The following ARMC9 variants were observed in gnomAD, a reference collection of about 807,000 sequenced individuals.
The protein encoded by ARMC9 is lisH domain-containing protein ARMC9.
Under a neutral mutation model 107.0 loss-of-function variants are expected in ARMC9, and 94 were observed. The ratio of observed to expected loss-of-function variants is 0.88; its 90% confidence interval spans 0.74 to 1.04. The LOEUF (loss-of-function observed/expected upper bound fraction) is 1.04, where lower values mean the gene tolerates loss of function less well. Among genes scored for constraint, ARMC9 ranks in the 50% least tolerant of loss-of-function variants. ARMC9 has a pLI of 0.00. For missense variants in ARMC9, 942 were observed against 1,030.1 expected (o/e 0.91, Z 1.17); for synonymous variants, 380 against 396.9 (o/e 0.96, Z 0.51).
chr2:231,367,708 C>T (rs994029667), intron 23 of ARMC9, among the ~76,000 whole-genome samples: 3 of 152,006 alleles, frequency 2.0e-5, no homozygotes, highest in African/African-American at 4.8e-5. Context: ...ACTGGCCGGG[C>T]GCGGTGGCTC....
At chr2:231,256,539 T>A in intron 9 of ARMC9, 47 bp from the exon 10 acceptor site, 1 of 1,598,640 alleles carries the variant, frequency 6.3e-7, no homozygotes, top group Non-Finnish European at 8.6e-7. Flanking sequence ...CGTGCATTGC[T>A]ATCAGTGTTT....
intron 11 of ARMC9, among the ~76,000 whole-genome samples, chr2:231,259,419 C>A (rs1056063965): frequency 9.2e-5 from 14 of 152,246 alleles, no homozygotes; most frequent in African/African-American, 3.4e-4. Context: ...TCAGGGTTAC[C>A]CACAGTCCCA....
chr2:231,214,180 C>T (rs1294123774), intron 3 of ARMC9, among the ~76,000 whole-genome samples: 1 of 152,228 alleles, frequency 6.6e-6, no homozygotes, highest in African/African-American at 2.4e-5. Flanking sequence ...GGCACTGAGC[C>T]GGTGCTCCTT....
chr2:231,324,571 A>G (rs1038637967), intron 19 of ARMC9, among the ~76,000 whole-genome samples: 5 of 150,934 alleles, frequency 3.3e-5, no homozygotes, highest in Non-Finnish European at 7.4e-5. Flanking sequence ...GACCAACATG[A>G]AGAAACCCCG....
At chr2:231,231,210 G>T (rs1574694137) in intron 7 of ARMC9, among the ~76,000 whole-genome samples, 1 of 152,118 alleles carries the variant, frequency 6.6e-6, no homozygotes. Flanking sequence ...CTAGCTAATG[G>T]GTTTTGGTAC....
chr2:231,232,477 G>A (rs2035323263), intron 7 of ARMC9, among the ~76,000 whole-genome samples: 3 of 148,344 alleles, frequency 2.0e-5, no homozygotes, highest in Admixed American at 2.0e-4. Context: ...TTGAGACGGA[G>A]TTTCGCTCTT....
intron 16 of ARMC9, among the ~76,000 whole-genome samples, chr2:231,280,950 C>T (rs1002465679): frequency 6.6e-6 from 1 of 152,122 alleles, no homozygotes; most frequent in African/African-American, 2.4e-5. Flanking sequence ...GCTTGGCAAG[C>T]ATTGAAAGTG....
intron 20 of ARMC9, among the ~76,000 whole-genome samples, chr2:231,336,712 G>A (rs1220610357): frequency 6.6e-6 from 1 of 152,236 alleles, no homozygotes; most frequent in Non-Finnish European, 1.5e-5. Context: ...GCTGGTTAAA[G>A]TGCAGGTTCC....
chr2:231,287,875 C>T (rs2040714386), intron 17 of ARMC9, among the ~76,000 whole-genome samples: 1 of 152,154 alleles, frequency 6.6e-6, no homozygotes, highest in African/African-American at 2.4e-5. Context: ...CTTTATTGAT[C>T]ATAGCAGAAG....
chr2:231,333,750 C>A (rs1227966628), intron 20 of ARMC9, among the ~76,000 whole-genome samples: 1 of 152,172 alleles, frequency 6.6e-6, no homozygotes, highest in Non-Finnish European at 1.5e-5. Context: ...ACGCATGTAC[C>A]CCTGACCACA....
chr2:231,327,200 C>G (rs546728861), intron 19 of ARMC9, among the ~76,000 whole-genome samples: 1 of 152,194 alleles, frequency 6.6e-6, no homozygotes, highest in African/African-American at 2.4e-5. Context: ...GTGTGCCGTT[C>G]GGTCGGCGTT....
At chr2:231,370,379 G>A (rs2045970078) in intron 24 of ARMC9, among the ~76,000 whole-genome samples, 1 of 152,172 alleles carries the variant, frequency 6.6e-6, no homozygotes, top group South Asian at 2.1e-4. Context: ...TCAAGCTGAG[G>A]AGTGAGACCT....
intron 13 of ARMC9, among the ~76,000 whole-genome samples, chr2:231,271,910 G>T (rs1369412925): frequency 5.3e-5 from 8 of 151,970 alleles, no homozygotes; most frequent in Admixed American, 3.9e-4. Flanking sequence ...GCATTCCTTG[G>T]CTGCCTCTGT....
At chr2:231,228,056 T>A (rs1488254057) in intron 7 of ARMC9, among the ~76,000 whole-genome samples, 1 of 152,160 alleles carries the variant, frequency 6.6e-6, no homozygotes. Context: ...CCAGCCTGCA[T>A]CCTCAGCTCT....
At chr2:231,201,812 C>T (rs555508125) in intron 1 of ARMC9, among the ~76,000 whole-genome samples, 1 of 152,328 alleles carries the variant, frequency 6.6e-6, no homozygotes, top group South Asian at 2.1e-4. Context: ...TGGAGAAGAG[C>T]TGCAAAACTG....
chr2:231,228,541 C>G (rs1343212206), intron 7 of ARMC9, among the ~76,000 whole-genome samples: 1 of 152,182 alleles, frequency 6.6e-6, no homozygotes. Flanking sequence ...CAGAGAGAGC[C>G]AGGAGGAAGC....
intron 12 of ARMC9, chr2:231,270,530 G>T (rs540781227): frequency 4.5e-5 from 20 of 439,854 alleles, no homozygotes; most frequent in Non-Finnish European, 9.0e-5. Context: ...TTGCCATGCT[G>T]CAGTCCCACT....
intron 16 of ARMC9, among the ~76,000 whole-genome samples, chr2:231,278,992 T>A (rs1312418189): frequency 3.3e-5 from 5 of 152,244 alleles, no homozygotes; most frequent in Non-Finnish European, 7.3e-5. Context: ...GACATTTTAC[T>A]TATCCAGCCT....
chr2:231,360,083 G>A lies in ARMC9; in HGVS notation c.2132-671G>A, dbSNP rs368717035. Among the ~76,000 whole-genome samples, 2 of 152,124 alleles carry A rather than the reference G, an allele frequency of 1.3e-5. No homozygotes were observed. Among genetic ancestry groups the A allele is most frequent in the African/African-American group, 4.8e-5 (2 of 41,420 alleles). On this transcript the variant is annotated intron_variant, in intron 22 of 24. Coordinates refer to ENST00000611582, the MANE Select transcript of ARMC9 (RefSeq NM_001352754.2). The surrounding 1 kb of genome is among the most constrained non-coding windows in gnomAD (Gnocchi z 4.7). Reference sequence around the variant, plus strand: ...AGAGGCGGGGTGGGGGAAGGGGTGCGTGGCATCTGAGATGCAGGAACATCT... The same window carrying A: ...AGAGGCGGGGTGGGGGAAGGGGTGCATGGCATCTGAGATGCAGGAACATCT...
Sources: gnomAD v4.1 joint callset for allele counts (sites outside exome capture counted in the v4.1 genomes callset) on GRCh38, gnomAD v4.1.1 for gene constraint, Gnocchi (gnomAD v3.1) non-coding constraint, MANE v1.5 for transcripts, NCBI Gene and HGNC (gene_info 2026-07-23, HGNC 2026-07-21) for gene names.